The following ZNF26 variants were observed in gnomAD, a reference collection of about 807,000 sequenced individuals.
The protein encoded by ZNF26 is zinc finger protein 26, also known as epididymis luminal protein 179.
A neutral mutation model predicts 54.9 loss-of-function variants in ZNF26; 32 were observed. That is an observed-to-expected ratio of 0.58 (90% CI 0.44 to 0.78). The LOEUF is 0.78. Among genes scored for constraint, ZNF26 ranks in the 30% least tolerant of loss-of-function variants. ZNF26 has a pLI of 0.00. For synonymous variants in ZNF26, 221 were observed against 209.2 expected, an observed-to-expected ratio of 1.06 and a Z score of -0.49; for missense variants, 524 against 634.0, an observed-to-expected ratio of 0.83 and a Z score of 1.86.
rs1953210055 is a variant in ZNF26 at position 133,001,100 on chromosome 12, A to G, written c.34-5942A>G. On this transcript the variant is annotated intron_variant, in intron 1 of 3. Coordinates refer to ENST00000328654, the MANE Select transcript of ZNF26 (RefSeq NM_019591.4). The surrounding 1 kb of genome is among the most constrained non-coding windows in gnomAD (Gnocchi z 4.7). ...TTCATGTTTCTTCTCCCTCAGATTT[A>G]AAGTAACCAGCTTGATAAGCACCTC... Among the ~76,000 whole-genome samples, 1 of 152,124 alleles carries G rather than the reference A, an allele frequency of 6.6e-6. No homozygotes were observed.
intron 3 of ZNF26, among the ~76,000 whole-genome samples, chr12:133,009,880 C>A (rs2137258996): frequency 6.6e-6 from 1 of 152,168 alleles, no homozygotes; most frequent in East Asian, 1.9e-4. Flanking sequence ...ATCCAAGTGC[C>A]AATTTTAAAC....
Position 133,021,089 on chromosome 12 carries a change from T to C in ZNF26, c.*9608T>C, listed in dbSNP as rs1953633472. ...ATGTCGAGAAATTATGCCTCCAACCTATGCTCATACATTTTTTTTTTCTTT... is the reference window on the plus strand; with the variant it reads ...ATGTCGAGAAATTATGCCTCCAACCCATGCTCATACATTTTTTTTTTCTTT... On this transcript the variant is annotated 3_prime_UTR_variant, in exon 4 of 4. Coordinates refer to ENST00000328654, the MANE Select transcript of ZNF26 (RefSeq NM_019591.4). 1 of 150,640 alleles carries C rather than the reference T, an allele frequency of 6.6e-6. No homozygotes were observed. The highest frequency in any genetic ancestry group is 1.5e-5 in the Non-Finnish European group (1 of 67,858). The allele number at this position is 150,640 out of a possible 1,614,324, so 9.3% of individuals were successfully genotyped here. A position where few individuals can be genotyped will look rare whatever the true frequency, so the allele number is the denominator to read the frequency against.
intron 1 of ZNF26, among the ~76,000 whole-genome samples, chr12:133,000,628 G>C (rs1269315190): frequency 1.3e-5 from 2 of 151,996 alleles, no homozygotes; most frequent in Non-Finnish European, 2.9e-5. Flanking sequence ...GTTTCACCAT[G>C]TTAGCCAGGA....
At chr12:132,987,000 A>C in intron 1 of ZNF26, 127 bp downstream of exon 1, 5 of 1,046,658 alleles carry the variant, frequency 4.8e-6, no homozygotes, top group Middle Eastern at 2.1e-4. Flanking sequence ...TTACTAGACT[A>C]CCCTCCCCAC....
Position 132,997,350 on chromosome 12 carries a change from C to A in ZNF26, c.34-9692C>A, listed in dbSNP as rs1026945989. Among the ~76,000 whole-genome samples, 21 of 151,786 alleles carry A rather than the reference C, an allele frequency of 1.4e-4. No individual in the cohort carries two copies. The East Asian group carries it at 4.1e-3, about 29-fold the overall frequency. On this transcript the variant is annotated intron_variant, in intron 1 of 3. Transcript: ENST00000328654. ...GGTCGATGAGCTTCCAAGATGGAGT[C>A]CAGAACAGGGGTTAATCAGAAACCC... is the stretch of plus-strand genomic sequence containing the variant.
Position 133,016,408 on chromosome 12 carries a change from T to C in ZNF26, c.*4927T>C, listed in dbSNP as rs1481233716. The C allele has an allele frequency of 9.5e-4, 1 of 1,052 alleles. No homozygotes were observed. The highest frequency in any genetic ancestry group is 2.9e-3 in the Non-Finnish European group (1 of 344). 0.1% of individuals were successfully genotyped at this position (1,052 alleles called of 1,614,324 possible). A position where few individuals can be genotyped will look rare whatever the true frequency, so the allele number is the denominator to read the frequency against. On this transcript the variant is annotated 3_prime_UTR_variant, in exon 4 of 4. Coordinates refer to ENST00000328654, the MANE Select transcript of ZNF26 (RefSeq NM_019591.4). ...TAATTTTTAAAAACAATTTAGCTAC[T>C]TTTTTTTTTTTTTTTTAACTATTTT...
chr12:132,992,975 C>A (rs967411058), intron 1 of ZNF26, among the ~76,000 whole-genome samples: 1 of 151,640 alleles, frequency 6.6e-6, no homozygotes, highest in East Asian at 1.9e-4. Context: ...AATACATAAG[C>A]CCATCAAAGG....
rs1193242026 is a variant in ZNF26 at position 132,986,455 on chromosome 12, TGA to T, written c.-384_-383del. On this transcript the variant is annotated 5_prime_UTR_variant, in exon 1 of 4. Transcript: ENST00000328654. ...AATCTGGCCAGCGGGTGTACCTGGC[TGA>T]GTCTCTGTGGCCGCGGAGGCGCGGA... 1 of 238,640 alleles carries T rather than the reference TGA, an allele frequency of 4.2e-6. No homozygotes were observed. The highest frequency in any genetic ancestry group is 8.3e-6 in the Non-Finnish European group (1 of 120,918). 14.8% of individuals were successfully genotyped at this position (238,640 alleles called of 1,614,324 possible). A position where few individuals can be genotyped will look rare whatever the true frequency, so the allele number is the denominator to read the frequency against.
intron 1 of ZNF26, among the ~76,000 whole-genome samples, chr12:132,988,837 AGTATCATTATATATTTT>A (rs1952884014): frequency 6.6e-6 from 1 of 152,106 alleles, no homozygotes; most frequent in African/African-American, 2.4e-5. Context: ...GATTTTATAT[AGTATCATTATATATTTT>A]GTTAGACTTA....
Position 133,022,678 on chromosome 12 carries a change from A to T in ZNF26, c.*11197A>T, listed in dbSNP as rs1164857050. The T allele has an allele frequency of 1.3e-5, 2 of 152,246 alleles. No homozygotes were observed. The highest frequency in any genetic ancestry group is 2.9e-5 in the Non-Finnish European group (2 of 68,036). 9.4% of individuals were successfully genotyped at this position (152,246 alleles called of 1,614,324 possible). On this transcript the variant is annotated 3_prime_UTR_variant, in exon 4 of 4. Coordinates refer to ENST00000328654, the MANE Select transcript of ZNF26 (RefSeq NM_019591.4). ...TTAAAACAAAATAAATCTGATAAAGATGTAAAAGAATAAAGAGACTATTAT... is the reference window on the plus strand; with the variant it reads ...TTAAAACAAAATAAATCTGATAAAGTTGTAAAAGAATAAAGAGACTATTAT...
chr12:132,989,028 AT>A lies in ZNF26; in HGVS notation c.33+2183del, dbSNP rs150395603. ...TGTAGTTCCAGGAGTCTTTCGGTGAATTTTTTTTTTTTTTTTTTTTTTTTTT... is the reference window on the plus strand; with the variant it reads ...TGTAGTTCCAGGAGTCTTTCGGTGAATTTTTTTTTTTTTTTTTTTTTTTTT... On this transcript the variant is annotated intron_variant, in intron 1 of 3. Coordinates refer to ENST00000328654, the MANE Select transcript of ZNF26 (RefSeq NM_019591.4). Among the ~76,000 whole-genome samples, 691 of 78,828 alleles carry A rather than the reference AT, an allele frequency of 8.8e-3. 38 individuals are homozygous for A. Among genetic ancestry groups the A allele is most frequent in the African/African-American group, 0.032 (648 of 20,072 alleles). 51.7% of individuals were successfully genotyped at this position (78,828 alleles called of 152,430 possible).
chr12:133,006,031 A>AT (rs1172427749), intron 1 of ZNF26: 1,846 of 923,968 alleles, frequency 2.0e-3, no homozygotes, highest in East Asian at 3.2e-3. Context: ...TGTTCCATCT[A>AT]TTTTTTTTTC....
rs1375689170 is a variant in ZNF26, at chr12:133,014,035, A to C, written c.*2554A>C. On this transcript the variant is annotated 3_prime_UTR_variant, in exon 4 of 4. Transcript: ENST00000328654. Reference sequence around the variant, plus strand: ...AGAACCCCTTCCCTTTTCTGGGAAAATGTGGAATTTGCCTTGCAGGAGGAA... The same window carrying C: ...AGAACCCCTTCCCTTTTCTGGGAAACTGTGGAATTTGCCTTGCAGGAGGAA... 3 of 152,204 alleles carry C rather than the reference A, an allele frequency of 2.0e-5. No homozygotes were observed. Among genetic ancestry groups the C allele is most frequent in the African/African-American group, 7.2e-5 (3 of 41,438 alleles). 9.4% of individuals were successfully genotyped at this position (152,204 alleles called of 1,614,324 possible).
chr12:132,997,224 A>G (rs925060886), intron 1 of ZNF26, among the ~76,000 whole-genome samples: 1 of 151,862 alleles, frequency 6.6e-6, no homozygotes, highest in Non-Finnish European at 1.5e-5. Flanking sequence ...CGGTAGATGA[A>G]CTTCCAAGAT....
In ZNF26 at chr12:133,007,177, T is replaced by G; in HGVS notation, c.160+9T>G. The G allele has an allele frequency of 1.9e-6, 3 of 1,612,540 alleles. No individual in the cohort carries two copies. The highest frequency in any genetic ancestry group is 2.5e-6 in the Non-Finnish European group (3 of 1,178,716). ...TAACCTGATATCAGTGGGTAAGTACTGCGTCTCAATGTTACTCAGATAGTG... is the reference window on the plus strand; with the variant it reads ...TAACCTGATATCAGTGGGTAAGTACGGCGTCTCAATGTTACTCAGATAGTG... On this transcript the variant is annotated intron_variant, in intron 2 of 3. Coordinates refer to ENST00000328654, the MANE Select transcript of ZNF26 (RefSeq NM_019591.4).
chr12:133,007,348 G>A (rs1953353630), intron 2 of ZNF26, 89 bp from the exon 3 acceptor site: 1 of 1,326,114 alleles, frequency 7.5e-7, no homozygotes, highest in South Asian at 1.4e-5. Flanking sequence ...TTCCCCAAGT[G>A]AGATGAGCAG....
chr12:132,999,196 C>T (rs1953156188), intron 1 of ZNF26, among the ~76,000 whole-genome samples: 1 of 152,212 alleles, frequency 6.6e-6, no homozygotes, highest in Non-Finnish European at 1.5e-5. Flanking sequence ...AGCTGCAAGA[C>T]AAGATGGTGG....
chr12:132,998,671 A>G (rs1953144995), intron 1 of ZNF26, among the ~76,000 whole-genome samples: 1 of 152,218 alleles, frequency 6.6e-6, no homozygotes. Flanking sequence ...TTTAAGGTGG[A>G]CAAGGTACCA....
rs373160676 is a variant in ZNF26, at chr12:132,993,832, G to A, written c.33+6959G>A. On this transcript the variant is annotated intron_variant, in intron 1 of 3. Transcript: ENST00000328654. ...CTAGACATGATGTACTGAGTAAAAGGAATTACTTTTAATAGTACTTTACTA... is the reference window on the plus strand; with the variant it reads ...CTAGACATGATGTACTGAGTAAAAGAAATTACTTTTAATAGTACTTTACTA... Among the ~76,000 whole-genome samples the A allele has an allele frequency of 8.5e-5, 13 of 152,190 alleles. No homozygotes were observed. The South Asian group carries it at 2.7e-3, about 32-fold the overall frequency.
Sources: allele counts gnomAD v4.1 joint callset (sites outside exome capture counted in the v4.1 genomes callset), GRCh38; gene constraint gnomAD v4.1.1; non-coding constraint Gnocchi (gnomAD v3.1); transcripts MANE v1.5; gene names NCBI Gene and HGNC (gene_info 2026-07-23, HGNC 2026-07-21).